GPC6: variants seen among roughly 807,000 people sequenced by gnomAD.
The protein encoded by GPC6 is glypican 6.
GPC6 carries 14 observed loss-of-function variants against 55.2 expected under a neutral mutation model. The observed-to-expected ratio is 0.25, with a 90% CI of 0.17 to 0.40. The LOEUF (loss-of-function observed/expected upper bound fraction) is 0.40, where lower values mean the gene tolerates loss of function less well. Among genes scored for constraint, GPC6 ranks in the 10% least tolerant of loss-of-function variants. GPC6 has a pLI of 1.00. For synonymous variants in GPC6, 278 were observed against 259.6 expected, an observed-to-expected ratio of 1.07 and a Z score of -0.68; for missense variants, 641 against 708.5, an observed-to-expected ratio of 0.90 and a Z score of 1.08.
chr13:93,352,979 T>C (rs776257119), intron 1 of GPC6, among the ~76,000 whole-genome samples: 38 of 152,104 alleles, frequency 2.5e-4, no homozygotes, highest in Admixed American at 2.0e-4. Context: ...AACATTCAAG[T>C]TTGGGAAGTA....
chr13:93,373,367 A>G (rs1299491301), intron 1 of GPC6, among the ~76,000 whole-genome samples: 2 of 152,216 alleles, frequency 1.3e-5, no homozygotes, highest in Admixed American at 6.5e-5. Flanking sequence ...TCCAGAATTA[A>G]TAGCTTCCTG....
At chr13:93,311,936 T>C (rs1188073790) in intron 1 of GPC6, among the ~76,000 whole-genome samples, 1 of 152,080 alleles carries the variant, frequency 6.6e-6, no homozygotes, top group Non-Finnish European at 1.5e-5. Context: ...TTTTAGCTCC[T>C]GATGGGAGGT....
At chr13:93,938,198 CA>C (rs1384615307) in intron 3 of GPC6, among the ~76,000 whole-genome samples, 6 of 152,138 alleles carry the variant, frequency 3.9e-5, no homozygotes, top group African/African-American at 1.4e-4. Context: ...AATAGTCAAA[CA>C]AAAAACTCTG....
At chr13:94,202,111 T>G (rs1172912724) in intron 4 of GPC6, among the ~76,000 whole-genome samples, 1 of 152,194 alleles carries the variant, frequency 6.6e-6, no homozygotes, top group African/African-American at 2.4e-5. Flanking sequence ...TAATGTCCTA[T>G]CTTTACTCCT....
intron 6 of GPC6, among the ~76,000 whole-genome samples, chr13:94,307,358 C>G (rs1876000687): frequency 6.6e-6 from 1 of 152,062 alleles, no homozygotes; most frequent in African/African-American, 2.4e-5. Context: ...TCACTCTGCC[C>G]CAGGCTGGAG....
At chr13:94,022,182 C>T (rs777937001) in intron 3 of GPC6, among the ~76,000 whole-genome samples, 1 of 152,004 alleles carries the variant, frequency 6.6e-6, no homozygotes, top group Non-Finnish European at 1.5e-5. Flanking sequence ...TTAGATCTTT[C>T]AAATTGTTCA....
intron 3 of GPC6, among the ~76,000 whole-genome samples, chr13:93,961,106 A>C (rs1410617070): frequency 6.6e-6 from 1 of 152,118 alleles, no homozygotes; most frequent in Non-Finnish European, 1.5e-5. Context: ...GAGCCACCGC[A>C]CTTGGCCTAT....
rs572973241 is a variant in GPC6, at chr13:93,542,290, C to G, written c.161-2973C>G. 2.0e-5 allele frequency among the ~76,000 whole-genome samples: 3 copies of G among 152,240 alleles called. No homozygotes were observed. In the South Asian group the frequency reaches 6.2e-4, roughly 32 times the overall value. On this transcript the variant is annotated intron_variant, in intron 1 of 8. Transcript: ENST00000377047. ...ATTTACTAAATAGGGAATCCTTTCC[C>G]CATTGCTTGTTTTTCTCAGGTTTGT... is the stretch of plus-strand genomic sequence containing the variant.
chr13:94,370,978 AT>A (rs1247943638), intron 6 of GPC6, among the ~76,000 whole-genome samples: 1 of 152,236 alleles, frequency 6.6e-6, no homozygotes, highest in Non-Finnish European at 1.5e-5. Flanking sequence ...TTTGTTTGAA[AT>A]GAAAGAAATC....
chr13:93,355,921 G>A (rs1373121774), intron 1 of GPC6, among the ~76,000 whole-genome samples: 2 of 152,136 alleles, frequency 1.3e-5, no homozygotes, highest in South Asian at 2.1e-4. Context: ...TAGGGGACAA[G>A]CAAATAGGAC....
intron 1 of GPC6, among the ~76,000 whole-genome samples, chr13:93,293,141 T>G (rs1594077747): frequency 6.6e-6 from 1 of 151,876 alleles, no homozygotes; most frequent in East Asian, 1.9e-4. Flanking sequence ...CACCACCATC[T>G]CGGGCTAATT....
At chr13:93,821,524 G>C (rs1434462732) in intron 2 of GPC6, among the ~76,000 whole-genome samples, 1 of 152,030 alleles carries the variant, frequency 6.6e-6, no homozygotes, top group Non-Finnish European at 1.5e-5. Flanking sequence ...TTCCTGGGCT[G>C]GTCAAATGTA....
intron 1 of GPC6, among the ~76,000 whole-genome samples, chr13:93,335,318 C>T (rs1880009042): frequency 6.6e-6 from 1 of 152,162 alleles, no homozygotes; most frequent in Non-Finnish European, 1.5e-5. Context: ...CATAATAATA[C>T]ACCTCACATC....
chr13:94,225,968 T>C (rs562150714), intron 4 of GPC6, among the ~76,000 whole-genome samples: 1 of 152,268 alleles, frequency 6.6e-6, no homozygotes, highest in East Asian at 1.9e-4. Context: ...CTGATTTGTG[T>C]GATGCACCTT....
intron 3 of GPC6, among the ~76,000 whole-genome samples, chr13:93,842,402 TG>T (rs1427751675): frequency 6.6e-6 from 1 of 152,176 alleles, no homozygotes; most frequent in Non-Finnish European, 1.5e-5. Context: ...TATTTTGGAA[TG>T]GAGAAAAAAG....
intron 1 of GPC6, among the ~76,000 whole-genome samples, chr13:93,362,916 C>G (rs977442851): frequency 6.6e-6 from 1 of 151,970 alleles, no homozygotes; most frequent in Admixed American, 6.6e-5. Context: ...ATTCCATCGC[C>G]CCACTGACTT....
chr13:93,362,327 T>G (rs932396762), intron 1 of GPC6, among the ~76,000 whole-genome samples: 2 of 152,172 alleles, frequency 1.3e-5, no homozygotes, highest in African/African-American at 4.8e-5. Context: ...CCTTTGCTTT[T>G]GAATTTCTGA....
intron 4 of GPC6, among the ~76,000 whole-genome samples, chr13:94,235,535 T>G (rs957047503): frequency 6.6e-6 from 1 of 152,134 alleles, no homozygotes; most frequent in Non-Finnish European, 1.5e-5. Flanking sequence ...TGAGAAACAC[T>G]AATTTCTATT....
At chr13:94,252,939 G>A (rs1170585959) in intron 4 of GPC6, among the ~76,000 whole-genome samples, 3 of 142,206 alleles carry the variant, frequency 2.1e-5, no homozygotes, top group South Asian at 2.3e-4. Context: ...GCTGATAAAG[G>A]GACATCCAGA....
Sources: gnomAD v4.1 joint callset for allele counts (sites outside exome capture counted in the v4.1 genomes callset) on GRCh38, gnomAD v4.1.1 for gene constraint, MANE v1.5 for transcripts, NCBI Gene and HGNC (gene_info 2026-07-23, HGNC 2026-07-21) for gene names.